Variants in VDAC1 observed in about 807,000 individuals in gnomAD.
VDAC1 encodes non-selective voltage-gated ion channel VDAC1.
A neutral mutation model predicts 34.7 loss-of-function variants in VDAC1; 10 were observed. The observed-to-expected ratio is 0.29, with a 90% CI of 0.18 to 0.49. VDAC1 has a LOEUF of 0.49. Among genes scored for constraint, VDAC1 ranks in the 20% least tolerant of loss-of-function variants. The pLI, the probability that VDAC1 is intolerant of heterozygous loss-of-function variation, is 0.99. For synonymous variants in VDAC1, 130 were observed against 136.0 expected, an observed-to-expected ratio of 0.96 and a Z score of 0.30; for missense variants, 230 against 347.9, an observed-to-expected ratio of 0.66 and a Z score of 2.69.
chr5:134,057,352 C>T, the VDAC1 span, among the ~76,000 whole-genome samples: 12 of 152,152 alleles, frequency 7.9e-5, no homozygotes, highest in Middle Eastern at 3.4e-3. Context: ...TGGTGGCACA[C>T]GCCTCTAATC....
At chr5:134,011,225 C>A in the VDAC1 span, among the ~76,000 whole-genome samples, 3 of 152,074 alleles carry the variant, frequency 2.0e-5, no homozygotes, top group African/African-American at 7.2e-5. Context: ...TCTCAAACTT[C>A]TGAGCTCAGG....
At chr5:134,086,499 GC>G in the VDAC1 span, among the ~76,000 whole-genome samples, 1 of 152,206 alleles carries the variant, frequency 6.6e-6, no homozygotes, top group Non-Finnish European at 1.5e-5. Flanking sequence ...CATCAGCTTC[GC>G]AGAGTCTTTT....
chr5:134,042,674 G>A, the VDAC1 span, among the ~76,000 whole-genome samples: 2 of 152,008 alleles, frequency 1.3e-5, no homozygotes, highest in East Asian at 1.9e-4. Context: ...TTCTATTTTC[G>A]TAGAGATGGG....
At chr5:134,050,178 G>A in the VDAC1 span, among the ~76,000 whole-genome samples, 1 of 152,102 alleles carries the variant, frequency 6.6e-6, no homozygotes, top group African/African-American at 2.4e-5. Flanking sequence ...GAACCTGGGA[G>A]GTGGAGGTTG....
chr5:134,040,444 A>G, the VDAC1 span, among the ~76,000 whole-genome samples: 1 of 152,140 alleles, frequency 6.6e-6, no homozygotes, highest in Non-Finnish European at 1.5e-5. Flanking sequence ...GTGTGGTGGC[A>G]CGTGCCTGTA....
At chr5:134,044,625 G>C in the VDAC1 span, among the ~76,000 whole-genome samples, 231 of 88,266 alleles carry the variant, frequency 2.6e-3, 2 homozygotes, top group East Asian at 0.043. Context: ...GCACATAACT[G>C]TGTGTGTGTG....
At chr5:134,041,536 A>G in the VDAC1 span, among the ~76,000 whole-genome samples, 5 of 152,202 alleles carry the variant, frequency 3.3e-5, no homozygotes, top group East Asian at 9.6e-4. Context: ...AGCCCTGGAC[A>G]TCAGCGCTGT....
At chr5:134,092,806 T>C in the VDAC1 span, among the ~76,000 whole-genome samples, 3 of 152,274 alleles carry the variant, frequency 2.0e-5, no homozygotes, top group South Asian at 6.2e-4. Context: ...ATTATACTTA[T>C]AGGATTGACA....
At chr5:134,081,115 G>T in the VDAC1 span, among the ~76,000 whole-genome samples, 1 of 150,688 alleles carries the variant, frequency 6.6e-6, no homozygotes, top group African/African-American at 2.5e-5. Context: ...TCAGCTTACT[G>T]CAACCTCTGC....
At chr5:133,984,419 C>CGTGTGTGTGTGT (rs70976506) in intron 5 of VDAC1, among the ~76,000 whole-genome samples, 50 of 122,036 alleles carry the variant, frequency 4.1e-4, no homozygotes, top group African/African-American at 1.1e-3. Context: ...CAATGACCAG[C>CGTGTGTGTGTGT]GTGTGTGTGT....
chr5:134,094,196 G>A, the VDAC1 span, among the ~76,000 whole-genome samples: 2 of 152,230 alleles, frequency 1.3e-5, no homozygotes, highest in African/African-American at 4.8e-5. Context: ...AGAGCACTTG[G>A]ATCCTTCCTG....
At chr5:134,055,508 C>T in the VDAC1 span, among the ~76,000 whole-genome samples, 5 of 151,662 alleles carry the variant, frequency 3.3e-5, no homozygotes, top group Non-Finnish European at 7.4e-5. Flanking sequence ...CAAGCTCCGC[C>T]ACCCGGGTTC....
At chr5:134,113,570 G>A in the VDAC1 span, among the ~76,000 whole-genome samples, 2 of 152,242 alleles carry the variant, frequency 1.3e-5, no homozygotes, top group Non-Finnish European at 2.9e-5. Context: ...CAGAAGAGGC[G>A]TGAGCGTCTA....
At chr5:134,092,069 G>C in the VDAC1 span, among the ~76,000 whole-genome samples, 1 of 152,114 alleles carries the variant, frequency 6.6e-6, no homozygotes, top group Admixed American at 6.5e-5. Flanking sequence ...ACTAAGTCCT[G>C]GTGTTTGTTA....
At chr5:134,072,545 G>C in the VDAC1 span, among the ~76,000 whole-genome samples, 1 of 152,314 alleles carries the variant, frequency 6.6e-6, no homozygotes, top group East Asian at 1.9e-4. Context: ...GGGGGGAAAG[G>C]ACCAGGAGTT....
chr5:134,094,957 A>G, the VDAC1 span, among the ~76,000 whole-genome samples: 8 of 152,230 alleles, frequency 5.3e-5, no homozygotes, highest in Admixed American at 1.3e-4. Flanking sequence ...TCCCACGTAC[A>G]TGCTGCAGAA....
the VDAC1 span, among the ~76,000 whole-genome samples, chr5:134,093,000 T>C: frequency 6.6e-6 from 1 of 152,228 alleles, no homozygotes; most frequent in African/African-American, 2.4e-5. Flanking sequence ...TTCAAGCTAA[T>C]GCACAATCAT....
the VDAC1 span, among the ~76,000 whole-genome samples, chr5:134,083,592 C>T: frequency 0.72 from 109,494 of 152,178 alleles, 41,542 homozygotes; most frequent in Non-Finnish European, 0.86. Flanking sequence ...CTAAGCGCTA[C>T]GTCAAAGAGC....
At chr5:134,109,507 C>T in the VDAC1 span, among the ~76,000 whole-genome samples, 5 of 152,174 alleles carry the variant, frequency 3.3e-5, no homozygotes, top group South Asian at 4.1e-4. Flanking sequence ...CGGTGGCTCA[C>T]GCTTGTAATC....
Sources: gnomAD v4.1 joint callset for allele counts (sites outside exome capture counted in the v4.1 genomes callset) on GRCh38, gnomAD v4.1.1 for gene constraint, MANE v1.5 for transcripts, NCBI Gene and HGNC (gene_info 2026-07-23, HGNC 2026-07-21) for gene names.